PACSIN1: variants seen among roughly 807,000 people sequenced by gnomAD.
PACSIN1 encodes the protein protein kinase C and casein kinase substrate in neurons protein 1.
PACSIN1 carries 15 observed loss-of-function variants against 59.5 expected under a neutral mutation model. That is an observed-to-expected ratio of 0.25 (90% CI 0.17 to 0.39). The LOEUF is 0.39. Ranked by LOEUF, PACSIN1 falls within the 10% of genes least tolerant of loss-of-function variation. PACSIN1 has a pLI of 1.00. For missense variants in PACSIN1, 420 were observed against 580.2 expected, an observed-to-expected ratio of 0.72 and a Z score of 2.84; for synonymous variants, 210 against 220.6, an observed-to-expected ratio of 0.95 and a Z score of 0.42.
intron 1 of PACSIN1, among the ~76,000 whole-genome samples, chr6:34,480,519 C>A (rs1445334685): frequency 1.3e-5 from 2 of 152,140 alleles, no homozygotes; most frequent in Non-Finnish European, 2.9e-5. Context: ...AGCCACTGTA[C>A]CTGACTCATT....
rs1262589862 is a variant in PACSIN1 at position 34,529,605 on chromosome 6, T to C, written c.612+53T>C. The C allele has an allele frequency of 5.6e-6, 9 of 1,611,842 alleles. No homozygotes were observed. Among genetic ancestry groups the C allele is most frequent in the Non-Finnish European group, 5.1e-6 (6 of 1,178,470 alleles). ...GGGTCTGGGGGCCCCTTGCAGAGGGTGGTGGCTGGGAGCTGCAGGCCTGGC... is the reference window on the plus strand; with the variant it reads ...GGGTCTGGGGGCCCCTTGCAGAGGGCGGTGGCTGGGAGCTGCAGGCCTGGC... On this transcript the variant is annotated intron_variant, in intron 5 of 9. Transcript: ENST00000244458. The surrounding 1 kb of genome is among the most constrained non-coding windows in gnomAD (Gnocchi z 6.3).
intron 1 of PACSIN1, among the ~76,000 whole-genome samples, chr6:34,466,671 G>A (rs529301477): frequency 1.3e-5 from 2 of 152,336 alleles, no homozygotes; most frequent in South Asian, 4.1e-4. Flanking sequence ...GATCAGAGTG[G>A]GCTGGGGAGA....
rs544406932 is a variant in PACSIN1, at chr6:34,528,224, C to T, written c.221-418C>T. Among the ~76,000 whole-genome samples, 12 of 152,332 alleles carry T rather than the reference C, an allele frequency of 7.9e-5. No homozygotes were observed. The South Asian group carries it at 2.1e-3, about 26-fold the overall frequency. On this transcript the variant is annotated intron_variant, in intron 3 of 9. Transcript: ENST00000244458. ...AACAAGTCAGTGTGGAATGACTGGT[C>T]CCCAGTGGCCTCTTGGCATCTGTCA...
Position 34,529,747 on chromosome 6 carries a change from G to A in PACSIN1, c.694G>A (p.Glu232Lys). 1.9e-6 allele frequency: 3 copies of A among 1,614,124 alleles called. No individual in the cohort carries two copies. Among genetic ancestry groups the A allele is most frequent in the Non-Finnish European group, 2.5e-6 (3 of 1,180,010 alleles). Reference sequence around the variant, plus strand: ...CATGGAGAACATGGAGCAGGTGTTTGAGCAATGCCAGCAATTTGAGGAAAA... The same window carrying A: ...CATGGAGAACATGGAGCAGGTGTTTAAGCAATGCCAGCAATTTGAGGAAAA... ...QYMENMEQVF[E>K]QCQQFEEKRL... Residue 232 changes from glutamate (E) to lysine (K), a missense_variant, in exon 6 of 10, where the codon GAG (glutamate) becomes AAG (lysine). Transcript: ENST00000244458. This position sits in a 1 kb window ranked among gnomAD's most constrained non-coding sequence, Gnocchi z 6.3.
At chr6:34,520,546 C>T (rs1767370967) in intron 1 of PACSIN1, among the ~76,000 whole-genome samples, 3 of 152,204 alleles carry the variant, frequency 2.0e-5, no homozygotes, top group Admixed American at 1.3e-4. Context: ...TCTAACTTCT[C>T]TGAGTCTCAG....
intron 1 of PACSIN1, among the ~76,000 whole-genome samples, chr6:34,505,589 A>T (rs1369516213): frequency 1.6e-4 from 15 of 92,688 alleles, no homozygotes; most frequent in African/African-American, 2.9e-4. Flanking sequence ...CTATTGTTCT[A>T]TCTTCAAGTT....
chr6:34,472,077 C>G (rs1766578383), intron 1 of PACSIN1, among the ~76,000 whole-genome samples: 1 of 151,820 alleles, frequency 6.6e-6, no homozygotes, highest in Non-Finnish European at 1.5e-5. Context: ...TCGAGACCAA[C>G]CTGGCCAATA....
chr6:34,531,511 G>A lies in PACSIN1; in HGVS notation c.1038-89G>A, dbSNP rs1031883227. On this transcript the variant is annotated intron_variant, in intron 8 of 9. Transcript: ENST00000244458. This position sits in a 1 kb window ranked among gnomAD's most constrained non-coding sequence, Gnocchi z 4.4. Reference sequence around the variant, plus strand: ...CCTTGCTCTAGCCTTGGTAGAATTCGGGATCAGGGCTCTGATTAGGAGGAG... The same window carrying A: ...CCTTGCTCTAGCCTTGGTAGAATTCAGGATCAGGGCTCTGATTAGGAGGAG... 1.4e-4 allele frequency: 182 copies of A among 1,339,674 alleles called. 1 individual carries two copies. In the East Asian group the frequency reaches 4.0e-3, roughly 30 times the overall value. 83.0% of individuals were successfully genotyped at this position (1,339,674 alleles called of 1,614,324 possible). A position where few individuals can be genotyped will look rare whatever the true frequency, so the allele number is the denominator to read the frequency against.
rs1767656589 is a variant in PACSIN1, at chr6:34,534,407, T to G, written c.*1877T>G. 1 of 152,810 alleles carries G rather than the reference T, an allele frequency of 6.5e-6. No homozygotes were observed. The highest frequency in any genetic ancestry group is 1.5e-5 in the Non-Finnish European group (1 of 68,172). The allele number at this position is 152,810 out of a possible 1,614,324, so 9.5% of individuals were successfully genotyped here. Reference sequence around the variant, plus strand: ...TTCGGCTGCAGCCTGAGGTGTGTCCTGGGCTCCTCAGAGCCTGAAGCAAGC... The same window carrying G: ...TTCGGCTGCAGCCTGAGGTGTGTCCGGGGCTCCTCAGAGCCTGAAGCAAGC... On this transcript the variant is annotated 3_prime_UTR_variant, in exon 10 of 10. Coordinates refer to ENST00000244458, the MANE Select transcript of PACSIN1 (RefSeq NM_020804.5).
intron 1 of PACSIN1, among the ~76,000 whole-genome samples, chr6:34,491,033 A>C (rs1766868864): frequency 6.6e-6 from 1 of 150,382 alleles, no homozygotes. Flanking sequence ...TCTGCACCTC[A>C]CTCTTTCCCA....
rs143716245 is a variant in PACSIN1, at chr6:34,503,471, G to A, written c.-63-22772G>A. 1.2e-3 allele frequency among the ~76,000 whole-genome samples: 178 copies of A among 152,288 alleles called. 1 individual carries two copies. The highest frequency in any genetic ancestry group is 6.8e-3 in the Middle Eastern group (2 of 294). On this transcript the variant is annotated intron_variant, in intron 1 of 9. Coordinates refer to ENST00000244458, the MANE Select transcript of PACSIN1 (RefSeq NM_020804.5). Reference sequence around the variant, plus strand: ...AGTCAGAGTGAGTATCGTCAGCACCGTTAGCCACACTGGAGCATGCATTGA... The same window carrying A: ...AGTCAGAGTGAGTATCGTCAGCACCATTAGCCACACTGGAGCATGCATTGA...
chr6:34,508,625 C>T (rs1399811030), intron 1 of PACSIN1, among the ~76,000 whole-genome samples: 1 of 152,110 alleles, frequency 6.6e-6, no homozygotes, highest in Non-Finnish European at 1.5e-5. Flanking sequence ...CACCATTACA[C>T]ATTCCCACCA....
chr6:34,527,872 C>T (rs764604560), intron 3 of PACSIN1, among the ~76,000 whole-genome samples: 6 of 152,060 alleles, frequency 3.9e-5, no homozygotes, highest in Non-Finnish European at 8.8e-5. Context: ...CCCTGTTTAC[C>T]CCTAAATTCT....
At chr6:34,480,268 A>G (rs1364974133) in intron 1 of PACSIN1, among the ~76,000 whole-genome samples, 1 of 137,720 alleles carries the variant, frequency 7.3e-6, no homozygotes, top group Non-Finnish European at 1.5e-5. Context: ...TCTGTCACCC[A>G]GGCTGGAGTG....
At chr6:34,483,469 C>T (rs1056000344) in intron 1 of PACSIN1, among the ~76,000 whole-genome samples, 3 of 152,030 alleles carry the variant, frequency 2.0e-5, no homozygotes, top group East Asian at 1.9e-4. Flanking sequence ...GCCACGTAGC[C>T]GGTGGGCACC....
In PACSIN1 at chr6:34,532,235, C is replaced by T. The variant is rs994106679; in HGVS notation, c.1226-186C>T. Among the ~76,000 whole-genome samples, 1 of 151,946 alleles carries T rather than the reference C, an allele frequency of 6.6e-6. No individual in the cohort carries two copies. The highest frequency in any genetic ancestry group is 1.5e-5 in the Non-Finnish European group (1 of 67,958). Reference sequence around the variant, plus strand: ...GTGAATGGCTGAGGTAGGCCAAGACCCCTATGCCAAGGGTGGCACGTGAAT... The same window carrying T: ...GTGAATGGCTGAGGTAGGCCAAGACTCCTATGCCAAGGGTGGCACGTGAAT... On this transcript the variant is annotated intron_variant, in intron 9 of 9. Coordinates refer to ENST00000244458, the MANE Select transcript of PACSIN1 (RefSeq NM_020804.5). The surrounding 1 kb of genome is among the most constrained non-coding windows in gnomAD (Gnocchi z 5.2).
At chr6:34,524,826 G>A (rs555107437) in intron 1 of PACSIN1, among the ~76,000 whole-genome samples, 19 of 152,300 alleles carry the variant, frequency 1.2e-4, no homozygotes, top group African/African-American at 4.1e-4. Context: ...CACCATGGGC[G>A]AGAGACAAAT....
At position 34,526,302 on chromosome 6, in the gene PACSIN1, C is replaced by T; in HGVS notation, c.-4C>T. 2 of 1,611,794 alleles carry T rather than the reference C, an allele frequency of 1.2e-6. No homozygotes were observed. The highest frequency in any genetic ancestry group is 1.7e-6 in the Non-Finnish European group (2 of 1,179,684). On this transcript the variant is annotated 5_prime_UTR_variant, in exon 2 of 10. Transcript: ENST00000244458. Reference sequence around the variant, plus strand: ...GCACTTGTCCATCCCCCTGCGGCTACACCATGTCCAGCTCCTACGATGAGG... The same window carrying T: ...GCACTTGTCCATCCCCCTGCGGCTATACCATGTCCAGCTCCTACGATGAGG...
intron 1 of PACSIN1, among the ~76,000 whole-genome samples, chr6:34,466,796 C>A (rs567035373): frequency 3.9e-5 from 6 of 152,112 alleles, no homozygotes; most frequent in Non-Finnish European, 5.9e-5. Context: ...AAGAAGGAGG[C>A]GATAATGCTA....
Sources: allele counts gnomAD v4.1 joint callset (sites outside exome capture counted in the v4.1 genomes callset), GRCh38; gene constraint gnomAD v4.1.1; non-coding constraint Gnocchi (gnomAD v3.1); transcripts MANE v1.5; gene names NCBI Gene and HGNC (gene_info 2026-07-23, HGNC 2026-07-21).